Variants in MRPL34 observed in about 807,000 individuals in gnomAD.
MRPL34 encodes the protein mitochondrial ribosomal protein L34, also known as large ribosomal subunit protein bL34m.
Under a neutral mutation model 6.7 loss-of-function variants are expected in MRPL34, and 8 were observed. The ratio of observed to expected loss-of-function variants is 1.20; its 90% CI spans 0.70 to 2.16. The LOEUF is 2.16. Ranked by LOEUF, MRPL34 falls within the 30% of genes most tolerant of loss-of-function variation. MRPL34 has a pLI of 0.00. For missense variants in MRPL34, 146 were observed against 125.5 expected, an observed-to-expected ratio of 1.16 and a Z score of -0.78; for synonymous variants, 59 against 55.1, an observed-to-expected ratio of 1.07 and a Z score of -0.31.
At chr19:17,295,260 C>T (rs1208350167) in intron 1 of MRPL34, among the ~76,000 whole-genome samples, 1 of 151,930 alleles carries the variant, frequency 6.6e-6, no homozygotes, top group Non-Finnish European at 1.5e-5. Flanking sequence ...CGCCCGCCAC[C>T]GCGCCCGGCT....
At chr19:17,294,826 G>T in intron 1 of MRPL34, 1 of 1,614,094 alleles carries the variant, frequency 6.2e-7, no homozygotes. Context: ...TCATGTGCCA[G>T]GAATGTGCAG....
intron 1 of MRPL34, chr19:17,294,209 G>GC (rs2074083156): frequency 4.0e-6 from 6 of 1,495,752 alleles, no homozygotes; most frequent in East Asian, 2.4e-5. Context: ...GCGCTACCAC[G>GC]CCCCCCGCAG....
chr19:17,298,753 T>G (rs2145656492), upstream of MRPL34, among the ~76,000 whole-genome samples: 1 of 146,192 alleles, frequency 6.8e-6, no homozygotes, highest in Non-Finnish European at 1.5e-5. Flanking sequence ...TTTTTTTTTT[T>G]TTTTTTGGGC....
At chr19:17,300,105 C>T (rs377657065), upstream of MRPL34, among the ~76,000 whole-genome samples, 1 of 151,288 alleles carries the variant, frequency 6.6e-6, no homozygotes, top group African/African-American at 2.4e-5. Context: ...AGGGTTTCAC[C>T]GTGTTAGCCA....
chr19:17,294,455 C>T (rs553178516), intron 1 of MRPL34: 1 of 1,614,182 alleles, frequency 6.2e-7, no homozygotes, highest in South Asian at 1.1e-5. Flanking sequence ...AAAGCGTTGC[C>T]CTCCTTTAAC....
chr19:17,294,995 C>T (rs765270523), intron 1 of MRPL34: 1 of 929,718 alleles, frequency 1.1e-6, no homozygotes, highest in Non-Finnish European at 1.6e-6. Context: ...TCCATCTTGG[C>T]TCACTGCAAC....
Position 17,305,945 on chromosome 19 carries a change from T to G in MRPL34, c.53T>G (p.Leu18Trp). The stretch of plus-strand genomic sequence containing the variant: ...GGCCCCACGAGTAGGTCGGCAGCGT[T>G]GCTGGGTGGCAGGTAAGTCCTCAGG... ...LLGPTSRSAA[L>W]LGGRWLQPRA... The change falls in exon 1 of 2, where the codon TTG becomes TGG. Residue 18 changes from leucine to tryptophan, a missense_variant. By Grantham distance (61) the Leu-to-Trp change is moderately conservative. Coordinates refer to ENST00000252602, the MANE Select transcript of MRPL34 (RefSeq NM_023937.4). The G allele has an allele frequency of 6.2e-7, 1 of 1,614,172 alleles. No individual in the cohort carries two copies. The highest frequency in any genetic ancestry group is 8.5e-7 in the Non-Finnish European group (1 of 1,180,022).
chr19:17,294,203 T>TACCACGCCCCCCGCAGAG, intron 1 of MRPL34: 2 of 1,480,420 alleles, frequency 1.4e-6, no homozygotes, highest in Non-Finnish European at 1.8e-6. Context: ...CACCAAGCGC[T>TACCACGCCCCCCGCAGAG]ACCACGCCCC....
rs28683582 is a variant in MRPL34, at chr19:17,293,690, G to T, written c.214+836G>T. 8.4e-3 allele frequency among the ~76,000 whole-genome samples: 1,227 copies of T among 145,942 alleles called. 21 individuals carry two copies. The highest frequency in any genetic ancestry group is 0.023 in the African/African-American group (908 of 39,798). ...GTCCAGTTATACTTTAATGGTTTTT[G>T]TTTTTTTTTTTTTTTCTTTAAGAAA... On this transcript the variant is annotated intron_variant, in intron 1 of 2. Coordinates refer to the MRPL34 transcript ENST00000595444.
chr19:17,306,018 G>T, intron 1 of MRPL34, 61 bp downstream of exon 1: 1 of 1,596,354 alleles, frequency 6.3e-7, no homozygotes. Flanking sequence ...GGAGGCTGGC[G>T]CCACTCTTCA....
upstream of MRPL34, among the ~76,000 whole-genome samples, chr19:17,299,547 T>C (rs1338208414): frequency 2.7e-5 from 3 of 110,538 alleles, no homozygotes; most frequent in African/African-American, 1.1e-4. Flanking sequence ...GGGGACAGAG[T>C]GAGACTCCAT....
At chr19:17,294,806 G>A (rs1306751408) in intron 1 of MRPL34, 2 of 1,614,210 alleles carry the variant, frequency 1.2e-6, no homozygotes, top group Non-Finnish European at 1.7e-6. Flanking sequence ...TGTGCACTAG[G>A]TCTGGGTACT....
upstream of MRPL34, among the ~76,000 whole-genome samples, chr19:17,299,659 C>T (rs1236967017): frequency 6.6e-6 from 1 of 151,280 alleles, no homozygotes; most frequent in African/African-American, 2.4e-5. Flanking sequence ...CACTTGAGCC[C>T]AGTAGTTAAA....
Position 17,306,247 on chromosome 19 carries a change from C to G in MRPL34, c.147C>G (p.Arg49=), listed in dbSNP as rs866718351. ...PTPQQARGKA[R]GNEYQPSNIK... ...CGCAGCAGGCCCGGGGCAAGGCTCG[C>G]GGGAATGAGTATCAGCCGAGCAACA... The change falls in exon 2 of 2, where the codon CGC becomes CGG. Residue 49 remains arginine, a synonymous_variant. Transcript: ENST00000252602. 8 of 1,589,334 alleles carry G rather than the reference C, an allele frequency of 5.0e-6. No individual in the cohort carries two copies. In the Admixed American group the frequency reaches 1.4e-4, roughly 28 times the overall value.
upstream of MRPL34, chr19:17,305,858 C>CGCCCGCAGCCGGTACT: frequency 6.2e-7 from 1 of 1,603,692 alleles, no homozygotes; most frequent in Non-Finnish European, 8.5e-7. Flanking sequence ...GCTCCGGAAT[C>CGCCCGCAGCCGGTACT]GCCCGCAGCC....
At chr19:17,299,236 C>CCG (rs1555720782), upstream of MRPL34, among the ~76,000 whole-genome samples, 14 of 137,250 alleles carry the variant, frequency 1.0e-4, no homozygotes, top group Non-Finnish European at 2.3e-4. Context: ...ATAATGAGAC[C>CCG]CCCCCCCCAT....
upstream of MRPL34, chr19:17,301,306 A>G: frequency 1.2e-6 from 2 of 1,607,460 alleles, no homozygotes; most frequent in Non-Finnish European, 1.7e-6. Context: ...CTGCCCGTGT[A>G]GGAGGTCGGC....
At chr19:17,301,754 C>T (rs1445280869), upstream of MRPL34, 8 of 1,100,240 alleles carry the variant, frequency 7.3e-6, no homozygotes, top group African/African-American at 1.0e-4. Flanking sequence ...TCAAGTGAGC[C>T]ACGGCACTGA....
At chr19:17,294,600 C>T in intron 1 of MRPL34, 2 of 1,606,498 alleles carry the variant, frequency 1.2e-6, no homozygotes, top group Non-Finnish European at 1.7e-6. Context: ...GTACAGTCCC[C>T]CCTCCCATCC....
Sources: allele counts gnomAD v4.1 joint callset (sites outside exome capture counted in the v4.1 genomes callset), GRCh38; gene constraint gnomAD v4.1.1; transcripts MANE v1.5; gene names NCBI Gene and HGNC (gene_info 2026-07-23, HGNC 2026-07-21).